Variants in INVS observed in about 807,000 individuals in gnomAD.
INVS encodes inversin, also known as inversion of embryo turning homolog.
In INVS, 86 loss-of-function variants were observed where a neutral mutation model predicts 108.8. The observed-to-expected ratio is 0.79, with a 90% CI of 0.66 to 0.95. The LOEUF is 0.95. Ranked by LOEUF, INVS falls within the 40% of genes least tolerant of loss-of-function variation. INVS has a pLI of 0.00. For synonymous variants in INVS, 455 were observed against 473.5 expected, an observed-to-expected ratio of 0.96 and a Z score of 0.51; for missense variants, 1,169 against 1,297.4, an observed-to-expected ratio of 0.90 and a Z score of 1.52.
At chr9:100,156,182 A>G (rs1588045941) in intron 3 of INVS, among the ~76,000 whole-genome samples, 2 of 151,954 alleles carry the variant, frequency 1.3e-5, no homozygotes, top group South Asian at 2.1e-4. Context: ...GCTTCCAAAG[A>G]TGGACAATTT....
At chr9:100,172,660 G>C (rs2119043759) in intron 3 of INVS, among the ~76,000 whole-genome samples, 1 of 152,294 alleles carries the variant, frequency 6.6e-6, no homozygotes, top group South Asian at 2.1e-4. Flanking sequence ...AAAGATTATA[G>C]TTTACCTGTA....
At chr9:100,251,852 T>C (rs1216462579) in intron 8 of INVS, among the ~76,000 whole-genome samples, 1 of 152,232 alleles carries the variant, frequency 6.6e-6, no homozygotes, top group Non-Finnish European at 1.5e-5. Flanking sequence ...AGTAGATTGA[T>C]GTCTCCAGTC....
chr9:100,142,998 A>G (rs923645363), intron 3 of INVS, among the ~76,000 whole-genome samples: 1 of 152,174 alleles, frequency 6.6e-6, no homozygotes, highest in African/African-American at 2.4e-5. Flanking sequence ...TTATGCTGAG[A>G]TAGGTAACAG....
At chr9:100,158,652 G>A (rs889577958) in intron 3 of INVS, among the ~76,000 whole-genome samples, 6 of 152,238 alleles carry the variant, frequency 3.9e-5, no homozygotes, top group African/African-American at 1.4e-4. Context: ...TCCATGCTCT[G>A]GACTAAATAC....
chr9:100,101,629 A>G (rs1459002066), intron 1 of INVS: 3 of 152,172 alleles, frequency 2.0e-5, no homozygotes, highest in Admixed American at 6.5e-5. Flanking sequence ...CAAGGGCAGA[A>G]TTTGAACCAA....
At chr9:100,143,690 A>G (rs1828505927) in intron 3 of INVS, among the ~76,000 whole-genome samples, 1 of 152,092 alleles carries the variant, frequency 6.6e-6, no homozygotes, top group Non-Finnish European at 1.5e-5. Context: ...GCAGGTGGGG[A>G]TAACTAAAAA....
At chr9:100,284,777 C>T (rs1195019354) in intron 13 of INVS, among the ~76,000 whole-genome samples, 174 bp downstream of exon 13, 1 of 151,756 alleles carries the variant, frequency 6.6e-6, no homozygotes, top group Non-Finnish European at 1.5e-5. Flanking sequence ...TCTTTTTTTT[C>T]CCTTCCTGTA....
chr9:100,152,462 C>T (rs895343025), intron 3 of INVS, among the ~76,000 whole-genome samples: 1 of 152,168 alleles, frequency 6.6e-6, no homozygotes, highest in African/African-American at 2.4e-5. Context: ...ATAAACTTCA[C>T]TAATTTAAAA....
rs200028895 is a variant in INVS at position 100,284,300 on chromosome 9, T to G, written c.1785-20T>G. 2.9e-4 allele frequency: 474 copies of G among 1,613,144 alleles called. No homozygotes were observed. The highest frequency in any genetic ancestry group is 3.8e-4 in the Non-Finnish European group (443 of 1,180,008). ...ATACTCTTTAAATTTTTTCATCTTC[T>G]TCTTTGGCTTTGCTTCCAGAAAGCG... On this transcript the variant is annotated intron_variant, in intron 12 of 16. Coordinates refer to ENST00000262457, the MANE Select transcript of INVS (RefSeq NM_014425.5).
At chr9:100,164,317 T>C (rs1204323386) in intron 3 of INVS, among the ~76,000 whole-genome samples, 1 of 152,166 alleles carries the variant, frequency 6.6e-6, no homozygotes, top group African/African-American at 2.4e-5. Context: ...TTATTAACTC[T>C]AGTCACCGTG....
At chr9:100,174,759 A>G (rs144725995) in intron 3 of INVS, among the ~76,000 whole-genome samples, 448 of 152,012 alleles carry the variant, frequency 2.9e-3, no homozygotes, top group Non-Finnish European at 4.9e-3. Context: ...CTAAAAATAC[A>G]AAATTAGCTG....
At chr9:100,114,285 T>A (rs537429040) in intron 2 of INVS, among the ~76,000 whole-genome samples, 1 of 151,904 alleles carries the variant, frequency 6.6e-6, no homozygotes, top group East Asian at 1.9e-4. Context: ...CATATTCCAG[T>A]CCCTGGTAAC....
intron 12 of INVS, among the ~76,000 whole-genome samples, chr9:100,276,250 C>T (rs935423143): frequency 1.3e-5 from 2 of 152,168 alleles, no homozygotes; most frequent in Non-Finnish European, 2.9e-5. Flanking sequence ...CTTCAGTTGC[C>T]TACTGGGCAT....
chr9:100,216,380 A>G (rs1830988375), intron 3 of INVS, among the ~76,000 whole-genome samples: 2 of 152,180 alleles, frequency 1.3e-5, no homozygotes, highest in Non-Finnish European at 2.9e-5. Context: ...ACTGCCCCCT[A>G]CTGGACACCA....
chr9:100,162,198 C>T (rs2119015088), intron 3 of INVS, among the ~76,000 whole-genome samples: 1 of 152,152 alleles, frequency 6.6e-6, no homozygotes, highest in East Asian at 1.9e-4. Context: ...TTCATATTTG[C>T]TTGGGTGGCT....
rs1244526844 is a variant in INVS at position 100,104,557 on chromosome 9, A to T, written c.36A>T (p.Ser12=). The change falls in exon 2 of 17, where the codon TCA becomes TCT. Residue 12 remains serine (S), a synonymous_variant. Coordinates refer to ENST00000262457, the MANE Select transcript of INVS (RefSeq NM_014425.5). The stretch of plus-strand genomic sequence containing the variant: ...CAGAGAACCTGCTGTTTGCTGGTTC[A>T]TCATTAGCATCACAAGTCCATGCTG... ...NKSENLLFAG[S]SLASQVHAAA... is the part of the protein sequence containing the mutation. 6.2e-7 allele frequency: 1 copy of T among 1,614,198 alleles called. No homozygotes were observed. The highest frequency in any genetic ancestry group is 1.1e-5 in the South Asian group (1 of 91,084).
chr9:100,252,560 C>A, intron 9 of INVS, 122 bp downstream of exon 9: 1 of 943,602 alleles, frequency 1.1e-6, no homozygotes, highest in Non-Finnish European at 1.7e-6. Context: ...AAGGGATGAT[C>A]ACACAACATG....
chr9:100,131,858 G>A (rs1443540910), intron 3 of INVS: 1 of 893,412 alleles, frequency 1.1e-6, no homozygotes, highest in Non-Finnish European at 1.3e-6. Context: ...AAAATTGAAT[G>A]TTTATTTTCA....
rs1032574487 is a variant in INVS, at chr9:100,292,621, T to C, written c.2364T>C (p.Cys788=). The C allele has an allele frequency of 1.9e-6, 3 of 1,614,012 alleles. No individual in the cohort carries two copies. Among genetic ancestry groups the C allele is most frequent in the African/African-American group, 2.7e-5 (2 of 74,916 alleles). Residue 788 remains cysteine, a synonymous_variant, in exon 14 of 17, where the codon TGT becomes TGC. Coordinates refer to ENST00000262457, the MANE Select transcript of INVS (RefSeq NM_014425.5). ...RRHDTEPKAK[C]APQKRRTQEL... ...ATGACACAGAACCCAAGGCCAAATG[T>C]GCCCCCCAGAAAAGGCGCACTCAAG...
Sources: gnomAD v4.1 joint callset for allele counts (sites outside exome capture counted in the v4.1 genomes callset) on GRCh38, gnomAD v4.1.1 for gene constraint, MANE v1.5 for transcripts, NCBI Gene and HGNC (gene_info 2026-07-23, HGNC 2026-07-21) for gene names.